Variants in PTPRM observed in about 807,000 individuals in gnomAD.
PTPRM encodes the protein receptor-type tyrosine-protein phosphatase mu.
A neutral mutation model predicts 186.7 loss-of-function variants in PTPRM; 47 were observed. The observed-to-expected ratio is 0.25, with a 90% CI of 0.20 to 0.32. The LOEUF (loss-of-function observed/expected upper bound fraction) is 0.32. Ranked by LOEUF, PTPRM falls within the 10% of genes least tolerant of loss-of-function variation. PTPRM has a pLI of 1.00. For synonymous variants in PTPRM, 668 were observed against 674.9 expected (o/e 0.99, Z 0.16); for missense variants, 1,494 against 1,865.0 (o/e 0.80, Z 3.66).
At chr18:8,098,818 A>C (rs568426877) in intron 11 of PTPRM, among the ~76,000 whole-genome samples, 1 of 151,150 alleles carries the variant, frequency 6.6e-6, no homozygotes, top group Admixed American at 6.6e-5. Flanking sequence ...GTCTTAGTTC[A>C]TATTTGTCTT....
chr18:8,180,948 G>T (rs73941040), intron 14 of PTPRM, among the ~76,000 whole-genome samples: 11,307 of 152,056 alleles, frequency 0.074, 468 homozygotes, highest in Middle Eastern at 0.22. Flanking sequence ...GATGGCGGGT[G>T]GGGGGGCCCT....
At chr18:8,340,289 AT>A (rs1466746678) in intron 22 of PTPRM, among the ~76,000 whole-genome samples, 1 of 152,156 alleles carries the variant, frequency 6.6e-6, no homozygotes, top group Non-Finnish European at 1.5e-5. Context: ...TTTGTGTTCA[AT>A]TTCATTTTTA....
At chr18:8,398,851 G>C (rs940640220) in intron 32 of PTPRM, among the ~76,000 whole-genome samples, 1 of 151,728 alleles carries the variant, frequency 6.6e-6, no homozygotes, top group African/African-American at 2.4e-5. Flanking sequence ...GTTCAAAACA[G>C]ACAAATCCAT....
rs182793439 is a variant in PTPRM, at chr18:8,307,123, C to T, written c.2843-7658C>T. Among the ~76,000 whole-genome samples, 212 of 152,292 alleles carry T rather than the reference C, an allele frequency of 1.4e-3. 1 individual carries two copies. Among genetic ancestry groups the T allele is most frequent in the African/African-American group, 5.0e-3 (208 of 41,564 alleles). Reference sequence around the variant, plus strand: ...GTTTCTGTGCCAAGTCATTCTTAGACGTCCAAGCAGCAGAGCATGGGGGAG... The same window carrying T: ...GTTTCTGTGCCAAGTCATTCTTAGATGTCCAAGCAGCAGAGCATGGGGGAG... On this transcript the variant is annotated intron_variant, in intron 20 of 32. Coordinates refer to ENST00000580170, the MANE Select transcript of PTPRM (RefSeq NM_001105244.2).
At chr18:8,326,767 C>CCA (rs1223216551) in intron 22 of PTPRM, among the ~76,000 whole-genome samples, 1 of 152,082 alleles carries the variant, frequency 6.6e-6, no homozygotes, top group Non-Finnish European at 1.5e-5. Flanking sequence ...TGAAACTGGA[C>CCA]CCCTTCCTTA....
intron 1 of PTPRM, among the ~76,000 whole-genome samples, chr18:7,605,139 C>T (rs1424589037): frequency 6.6e-6 from 1 of 152,032 alleles, no homozygotes; most frequent in Non-Finnish European, 1.5e-5. Context: ...CTGTCTTGGG[C>T]CACACAGAAA....
chr18:7,643,866 G>A (rs1361907965), intron 1 of PTPRM, among the ~76,000 whole-genome samples: 2 of 151,922 alleles, frequency 1.3e-5, no homozygotes, highest in Non-Finnish European at 2.9e-5. Flanking sequence ...ATTCATGAAT[G>A]GATAATCTTA....
chr18:8,043,209 C>A (rs2086801314), intron 7 of PTPRM, among the ~76,000 whole-genome samples: 1 of 152,158 alleles, frequency 6.6e-6, no homozygotes, highest in South Asian at 2.1e-4. Flanking sequence ...ACTTATTAGC[C>A]CTACCAAGCA....
intron 7 of PTPRM, among the ~76,000 whole-genome samples, chr18:8,067,728 G>A (rs2089192253): frequency 6.6e-6 from 1 of 152,194 alleles, no homozygotes. Flanking sequence ...TAGGAATCAA[G>A]AAGGGAACTT....
At chr18:7,961,023 A>G (rs927350944) in intron 7 of PTPRM, among the ~76,000 whole-genome samples, 3 of 152,210 alleles carry the variant, frequency 2.0e-5, no homozygotes, top group African/African-American at 7.2e-5. Context: ...TAGTAGGTGT[A>G]TATATTTATG....
intron 2 of PTPRM, among the ~76,000 whole-genome samples, chr18:7,788,762 T>C (rs2043204839): frequency 6.6e-6 from 1 of 152,220 alleles, no homozygotes; most frequent in Admixed American, 6.5e-5. Context: ...TCCTAAGAAA[T>C]GAGTCCTAAC....
At chr18:8,275,145 A>G (rs542599005) in intron 19 of PTPRM, among the ~76,000 whole-genome samples, 1 of 152,200 alleles carries the variant, frequency 6.6e-6, no homozygotes, top group Non-Finnish European at 1.5e-5. Context: ...ATGGAAATGT[A>G]GGTTTCAACG....
At chr18:8,232,037 T>G (rs2094293452) in intron 14 of PTPRM, among the ~76,000 whole-genome samples, 1 of 152,208 alleles carries the variant, frequency 6.6e-6, no homozygotes. Flanking sequence ...ATAAATAAGA[T>G]CACAGCCTAG....
chr18:7,573,194 T>C (rs962378498), intron 1 of PTPRM, among the ~76,000 whole-genome samples: 3 of 152,214 alleles, frequency 2.0e-5, no homozygotes, highest in African/African-American at 7.2e-5. Context: ...TGACAAGCTC[T>C]AGAGATCTTA....
chr18:8,188,017 A>G (rs1468047626), intron 14 of PTPRM, among the ~76,000 whole-genome samples: 1 of 152,166 alleles, frequency 6.6e-6, no homozygotes, highest in Non-Finnish European at 1.5e-5. Context: ...TCATTCCATG[A>G]GCTAAAAACA....
At chr18:8,008,214 C>G (rs924518960) in intron 7 of PTPRM, among the ~76,000 whole-genome samples, 1 of 152,146 alleles carries the variant, frequency 6.6e-6, no homozygotes, top group Non-Finnish European at 1.5e-5. Flanking sequence ...CATCCTCCTC[C>G]TACCACTTAC....
intron 2 of PTPRM, among the ~76,000 whole-genome samples, chr18:7,776,252 T>C (rs982028870): frequency 1.3e-5 from 2 of 152,214 alleles, no homozygotes; most frequent in African/African-American, 4.8e-5. Flanking sequence ...TTTTGTCAAG[T>C]CTGACTTATT....
intron 1 of PTPRM, among the ~76,000 whole-genome samples, chr18:7,715,880 C>T (rs1467628511): frequency 2.6e-5 from 4 of 152,160 alleles, no homozygotes; most frequent in African/African-American, 9.7e-5. Context: ...AATGGAAAAA[C>T]ATTCCATGTT....
At chr18:8,111,265 T>C (rs754052856) in intron 11 of PTPRM, among the ~76,000 whole-genome samples, 1 of 152,188 alleles carries the variant, frequency 6.6e-6, no homozygotes, top group African/African-American at 2.4e-5. Flanking sequence ...GTTTTGAAAA[T>C]CATGTCATAC....
Sources: gnomAD v4.1 joint callset for allele counts (sites outside exome capture counted in the v4.1 genomes callset) on GRCh38, gnomAD v4.1.1 for gene constraint, MANE v1.5 for transcripts, NCBI Gene and HGNC (gene_info 2026-07-23, HGNC 2026-07-21) for gene names.